Variants in ETS1 observed in about 807,000 individuals in gnomAD.
The protein encoded by ETS1 is protein C-ets-1.
Under a neutral mutation model 58.6 loss-of-function variants are expected in ETS1, and 15 were observed. That is an observed-to-expected ratio of 0.26 (90% CI 0.17 to 0.39). The LOEUF (loss-of-function observed/expected upper bound fraction) is 0.39, where lower values mean the gene tolerates loss of function less well. ETS1 is among the 10% of genes least tolerant of loss of function. ETS1 has a pLI of 1.00. For synonymous variants in ETS1, 214 were observed against 218.2 expected (o/e 0.98, Z 0.17); for missense variants, 417 against 610.5 (o/e 0.68, Z 3.34).
At chr11:128,477,226 T>G (rs1255471917) in intron 8 of ETS1, among the ~76,000 whole-genome samples, 1 of 152,228 alleles carries the variant, frequency 6.6e-6, no homozygotes, top group Non-Finnish European at 1.5e-5. Context: ...TAGAGCTATG[T>G]GTACCCCTAC....
intron 3 of ETS1, among the ~76,000 whole-genome samples, chr11:128,514,683 A>G (rs1188022842): frequency 6.6e-6 from 1 of 152,186 alleles, no homozygotes; most frequent in Admixed American, 6.5e-5. Flanking sequence ...CCATGGAAGC[A>G]CCTGGAACCC....
chr11:128,489,555 G>C, intron 4 of ETS1, 65 bp from the exon 5 acceptor site: 2 of 1,323,390 alleles, frequency 1.5e-6, no homozygotes, highest in South Asian at 1.2e-5. Context: ...AAGCCTCAGA[G>C]AGGACACTGA....
At position 128,478,582 on chromosome 11, in the gene ETS1, A is replaced by C. The variant is rs1042672361; in HGVS notation, c.1123+1609T>G. Among the ~76,000 whole-genome samples, 9 of 152,182 alleles carry C rather than the reference A, an allele frequency of 5.9e-5. No homozygotes were observed. In the East Asian group the frequency reaches 1.7e-3, roughly 29 times the overall value. ...CTGCACCACAAAAACAGAAGCAAGCACTGCCAATTAGAGATAATGTCTACC... is the reference window on the plus strand; with the variant it reads ...CTGCACCACAAAAACAGAAGCAAGCCCTGCCAATTAGAGATAATGTCTACC... On this transcript the variant is annotated intron_variant, in intron 8 of 9. Coordinates refer to ENST00000392668, the MANE Select transcript of ETS1 (RefSeq NM_001143820.2).
chr11:128,464,102 AT>A lies in ETS1; in HGVS notation c.1124-476del, dbSNP rs1308773196. Among the ~76,000 whole-genome samples, 1 of 152,084 alleles carries A rather than the reference AT, an allele frequency of 6.6e-6. No individual in the cohort carries two copies. Among genetic ancestry groups the A allele is most frequent in the Non-Finnish European group, 1.5e-5 (1 of 68,014 alleles). ...TGTAGTAGGGAGCCTGTGGCCCCTG[AT>A]TTGTGAGTAAGAAGGATCACTATCC... On this transcript the variant is annotated intron_variant, in intron 8 of 9. Coordinates refer to ENST00000392668, the MANE Select transcript of ETS1 (RefSeq NM_001143820.2). The surrounding 1 kb of genome is among the most constrained non-coding windows in gnomAD (Gnocchi z 4.1).
At chr11:128,583,266 G>A (rs1273019822) in intron 1 of ETS1, among the ~76,000 whole-genome samples, 3 of 152,234 alleles carry the variant, frequency 2.0e-5, no homozygotes, top group Non-Finnish European at 4.4e-5. Context: ...TGCCAAGGCT[G>A]AGCAGATGCT....
chr11:128,538,749 C>A (rs80023705), intron 3 of ETS1, among the ~76,000 whole-genome samples: 1 of 140,398 alleles, frequency 7.1e-6, no homozygotes, highest in Admixed American at 7.0e-5. Flanking sequence ...CACACACATA[C>A]ACACATACAC....
At chr11:128,472,181 G>T (rs765433343) in intron 8 of ETS1, among the ~76,000 whole-genome samples, 2 of 152,140 alleles carry the variant, frequency 1.3e-5, no homozygotes, top group African/African-American at 2.4e-5. Context: ...AAAGAACAGA[G>T]AACCTAGCCT....
intron 3 of ETS1, among the ~76,000 whole-genome samples, chr11:128,545,022 T>TG (rs397810711): frequency 0.18 from 18,993 of 103,584 alleles, 1,086 homozygotes; most frequent in East Asian, 0.28. Context: ...TGGTTGGGGG[T>TG]GGGGGGGGCA....
chr11:128,511,634 G>A (rs892817546), intron 3 of ETS1, among the ~76,000 whole-genome samples: 1 of 152,204 alleles, frequency 6.6e-6, no homozygotes, highest in African/African-American at 2.4e-5. Context: ...CATAAAATAT[G>A]TGGGTGAAAT....
At chr11:128,483,502 G>A (rs2135447882) in intron 7 of ETS1, among the ~76,000 whole-genome samples, 1 of 152,314 alleles carries the variant, frequency 6.6e-6, no homozygotes, top group African/African-American at 2.4e-5. Flanking sequence ...TTGTGTGTAT[G>A]TATTTAAATA....
chr11:128,494,429 C>T (rs1469411265), intron 3 of ETS1, among the ~76,000 whole-genome samples: 1 of 152,164 alleles, frequency 6.6e-6, no homozygotes, highest in East Asian at 1.9e-4. Flanking sequence ...AGTATTTAGA[C>T]AGAAGTGAGC....
At chr11:128,523,805 A>G (rs535941755) in intron 3 of ETS1, among the ~76,000 whole-genome samples, 1 of 152,234 alleles carries the variant, frequency 6.6e-6, no homozygotes, top group Non-Finnish European at 1.5e-5. Flanking sequence ...TCCACAAGGT[A>G]TGAGAAAACA....
At chr11:128,540,993 C>A (rs1864049635) in intron 3 of ETS1, among the ~76,000 whole-genome samples, 1 of 152,224 alleles carries the variant, frequency 6.6e-6, no homozygotes, top group African/African-American at 2.4e-5. Flanking sequence ...CCAAATCGAG[C>A]TCTGTCCTCA....
At chr11:128,566,404 C>T (rs1864495684) in intron 2 of ETS1, among the ~76,000 whole-genome samples, 2 of 152,212 alleles carry the variant, frequency 1.3e-5, no homozygotes, top group African/African-American at 2.4e-5. Flanking sequence ...TGACCTTCCA[C>T]GTACCTTATA....
intron 3 of ETS1, among the ~76,000 whole-genome samples, chr11:128,529,345 G>C (rs1392086803): frequency 6.6e-6 from 1 of 152,132 alleles, no homozygotes; most frequent in Non-Finnish European, 1.5e-5. Context: ...GAAATGGGGG[G>C]ACATGGGGAT....
chr11:128,525,228 T>C (rs1316615357), intron 3 of ETS1, among the ~76,000 whole-genome samples: 1 of 152,058 alleles, frequency 6.6e-6, no homozygotes, highest in Admixed American at 6.6e-5. Flanking sequence ...CCGCAGGAGT[T>C]GGGGAACAGA....
At chr11:128,532,907 C>A (rs1472806491) in intron 3 of ETS1, among the ~76,000 whole-genome samples, 3 of 152,188 alleles carry the variant, frequency 2.0e-5, no homozygotes, top group African/African-American at 7.2e-5. Flanking sequence ...CACCACGTGC[C>A]TTCAAGTCAG....
rs1861842161 is a variant in ETS1, at chr11:128,459,138, CT to C, written c.*3222del. The C allele has an allele frequency of 6.7e-6, 1 of 149,046 alleles. No homozygotes were observed. The highest frequency in any genetic ancestry group is 6.7e-5 in the Admixed American group (1 of 14,980). The allele number at this position is 149,046 out of a possible 1,614,324, so 9.2% of individuals were successfully genotyped here. A position where few individuals can be genotyped will look rare whatever the true frequency, so the allele number is the denominator to read the frequency against. Reference sequence around the variant, plus strand: ...CTTCTCAGCTTAAAAAAAAAGTATTCTTAAAAAAAAAAGTTCAATAACTGAG... The same window carrying C: ...CTTCTCAGCTTAAAAAAAAAGTATTCTAAAAAAAAAAGTTCAATAACTGAG... On this transcript the variant is annotated 3_prime_UTR_variant, in exon 10 of 10. Coordinates refer to ENST00000392668, the MANE Select transcript of ETS1 (RefSeq NM_001143820.2).
intron 8 of ETS1, among the ~76,000 whole-genome samples, chr11:128,478,600 T>G (rs12276127): frequency 6.6e-6 from 1 of 152,156 alleles, no homozygotes; most frequent in Admixed American, 6.5e-5. Flanking sequence ...TTAGAGATAA[T>G]GTCTACCTCC....
Sources: gnomAD v4.1 joint callset for allele counts (sites outside exome capture counted in the v4.1 genomes callset) on GRCh38, gnomAD v4.1.1 for gene constraint, Gnocchi (gnomAD v3.1) non-coding constraint, MANE v1.5 for transcripts, NCBI Gene and HGNC (gene_info 2026-07-23, HGNC 2026-07-21) for gene names.